Variants in RIMS2 observed in about 807,000 individuals in gnomAD.
The protein encoded by RIMS2 is regulating synaptic membrane exocytosis protein 2.
In RIMS2, 59 loss-of-function variants were observed where a neutral mutation model predicts 174.4. The observed-to-expected ratio is 0.34, with a 90% CI of 0.27 to 0.42. The LOEUF (loss-of-function observed/expected upper bound fraction) is 0.42, where lower values mean the gene tolerates loss of function less well. Ranked by LOEUF, RIMS2 falls within the 10% of genes least tolerant of loss-of-function variation. The pLI is 1.00. For missense variants in RIMS2, 1,620 were observed against 1,666.3 expected (o/e 0.97, Z 0.48); for synonymous variants, 606 against 572.5 (o/e 1.06, Z -0.84).
chr8:103,741,545 G>C (rs1202689647), intron 2 of RIMS2, among the ~76,000 whole-genome samples: 1 of 151,996 alleles, frequency 6.6e-6, no homozygotes, highest in Non-Finnish European at 1.5e-5. Flanking sequence ...TACCCAGGTG[G>C]TGAGTCATTC....
At chr8:103,585,496 T>A (rs572481071) in intron 1 of RIMS2, among the ~76,000 whole-genome samples, 12 of 152,252 alleles carry the variant, frequency 7.9e-5, no homozygotes, top group African/African-American at 2.9e-4. Context: ...TGCCCATCAA[T>A]GATACACTGG....
At chr8:104,103,376 T>C (rs2097948952) in intron 19 of RIMS2, among the ~76,000 whole-genome samples, 1 of 152,204 alleles carries the variant, frequency 6.6e-6, no homozygotes, top group Non-Finnish European at 1.5e-5. Flanking sequence ...GGGTGTGTTT[T>C]ATCACCTGTG....
At chr8:104,013,560 A>T in exon 18 of RIMS2, 1 of 1,612,274 alleles carries the variant, frequency 6.2e-7, no homozygotes, top group Non-Finnish European at 8.5e-7. Flanking sequence ...TACAAACCTC[A>T]TGAGGTCGAT....
Position 103,772,449 on chromosome 8 carries a change from A to G in RIMS2, c.698+5912A>G, listed in dbSNP as rs149683715. Among the ~76,000 whole-genome samples the G allele has an allele frequency of 4.9e-3, 743 of 152,234 alleles. 4 individuals are homozygous for G. The highest frequency in any genetic ancestry group is 0.017 in the African/African-American group (718 of 41,584). On this transcript the variant is annotated intron_variant, in intron 3 of 23. Transcript: ENST00000504942. Reference sequence around the variant, plus strand: ...CAAAAAATGAAGTACTTAGTTATAAATCTAACAAAATATGTACAAGGTCCA... The same window carrying G: ...CAAAAAATGAAGTACTTAGTTATAAGTCTAACAAAATATGTACAAGGTCCA...
intron 19 of RIMS2, among the ~76,000 whole-genome samples, chr8:104,043,841 C>G (rs1355233273): frequency 6.6e-6 from 1 of 151,508 alleles, no homozygotes; most frequent in African/African-American, 2.4e-5. Flanking sequence ...TTTATACAGA[C>G]AATGAAATTA....
chr8:103,826,087 A>G (rs576785662), intron 3 of RIMS2, among the ~76,000 whole-genome samples: 1 of 152,196 alleles, frequency 6.6e-6, no homozygotes, highest in Admixed American at 6.5e-5. Context: ...AGTGTCCAAT[A>G]TTTTTTAAAT....
intron 19 of RIMS2, among the ~76,000 whole-genome samples, chr8:104,156,054 A>G (rs2098721902): frequency 6.6e-6 from 1 of 152,196 alleles, no homozygotes; most frequent in Admixed American, 6.5e-5. Context: ...ACTATGAGAA[A>G]ACTGAATTTG....
At chr8:103,819,974 A>G (rs1051472705) in intron 3 of RIMS2, among the ~76,000 whole-genome samples, 1 of 152,052 alleles carries the variant, frequency 6.6e-6, no homozygotes, top group African/African-American at 2.4e-5. Flanking sequence ...ATATATAAGG[A>G]TGGGGCTATA....
At chr8:103,911,196 C>T (rs143991125) in intron 5 of RIMS2, among the ~76,000 whole-genome samples, 1 of 152,194 alleles carries the variant, frequency 6.6e-6, no homozygotes, top group East Asian at 1.9e-4. Context: ...ATGCCTGTTA[C>T]TTTTTGATAA....
intron 2 of RIMS2, among the ~76,000 whole-genome samples, chr8:103,751,871 A>C (rs1464186981): frequency 3.3e-5 from 5 of 151,374 alleles, no homozygotes; most frequent in Admixed American, 6.6e-5. Flanking sequence ...GAGTAGGTTG[A>C]GAAAATTTTC....
intron 3 of RIMS2, among the ~76,000 whole-genome samples, chr8:103,868,144 T>C (rs1473031453): frequency 6.6e-6 from 1 of 152,120 alleles, no homozygotes; most frequent in Non-Finnish European, 1.5e-5. Context: ...TAAGTAATTC[T>C]TAATTTTTTT....
At chr8:103,955,165 A>T (rs2086742101) in intron 14 of RIMS2, among the ~76,000 whole-genome samples, 1 of 152,218 alleles carries the variant, frequency 6.6e-6, no homozygotes, top group Non-Finnish European at 1.5e-5. Flanking sequence ...AAATTCTACC[A>T]GAGGTACAAA....
intron 19 of RIMS2, among the ~76,000 whole-genome samples, chr8:104,214,899 C>G (rs567866075): frequency 6.6e-6 from 1 of 152,306 alleles, no homozygotes; most frequent in South Asian, 2.1e-4. Flanking sequence ...CACTTATACC[C>G]AATCTAGGTG....
At chr8:104,165,112 A>G (rs2098789105) in intron 19 of RIMS2, among the ~76,000 whole-genome samples, 1 of 152,174 alleles carries the variant, frequency 6.6e-6, no homozygotes, top group Admixed American at 6.5e-5. Flanking sequence ...TCCAAATTTT[A>G]CAGTACAGTG....
chr8:103,583,079 G>A (rs969925129), intron 1 of RIMS2, among the ~76,000 whole-genome samples: 1 of 152,206 alleles, frequency 6.6e-6, no homozygotes, highest in Non-Finnish European at 1.5e-5. Context: ...GCTTTAGGTG[G>A]CTCAGAACAC....
intron 19 of RIMS2, among the ~76,000 whole-genome samples, chr8:104,067,019 A>G (rs2097116786): frequency 6.6e-6 from 1 of 152,212 alleles, no homozygotes; most frequent in Non-Finnish European, 1.5e-5. Flanking sequence ...TTAAAACATT[A>G]AAAATTTAAA....
intron 1 of RIMS2, among the ~76,000 whole-genome samples, chr8:103,554,487 T>C (rs1199765717): frequency 1.3e-5 from 2 of 152,150 alleles, no homozygotes; most frequent in Non-Finnish European, 2.9e-5. Context: ...CATGATGAGA[T>C]ACCATCTCAC....
intron 1 of RIMS2, among the ~76,000 whole-genome samples, chr8:103,551,799 A>C (rs376294683): frequency 1.3e-5 from 2 of 151,844 alleles, no homozygotes; most frequent in African/African-American, 4.8e-5. Flanking sequence ...CATTCCTATA[A>C]ACCAATAACA....
intron 2 of RIMS2, among the ~76,000 whole-genome samples, chr8:103,750,180 T>C (rs2097867465): frequency 6.6e-6 from 1 of 151,542 alleles, no homozygotes; most frequent in Non-Finnish European, 1.5e-5. Flanking sequence ...TTTTTTCCCC[T>C]AAGAAAAAAA....
Sources: gnomAD v4.1 joint callset for allele counts (sites outside exome capture counted in the v4.1 genomes callset) on GRCh38, gnomAD v4.1.1 for gene constraint, MANE v1.5 for transcripts, NCBI Gene and HGNC (gene_info 2026-07-23, HGNC 2026-07-21) for gene names.